RFPL2: variants seen among roughly 807,000 people sequenced by gnomAD.
RFPL2 encodes the protein ret finger protein-like 2.
Under a neutral mutation model 17.8 loss-of-function variants are expected in RFPL2, and 13 were observed. The observed-to-expected ratio is 0.73, with a 90% confidence interval of 0.47 to 1.16. RFPL2 has a LOEUF of 1.16. Ranked by LOEUF, RFPL2 falls within the 50% of genes most tolerant of loss-of-function variation. The pLI, the probability that RFPL2 is intolerant of heterozygous loss-of-function variation, is 0.00. For missense variants in RFPL2, 431 were observed against 479.3 expected (o/e 0.90, Z 0.94); for synonymous variants, 189 against 180.9 (o/e 1.04, Z -0.36).
chr22:32,191,165 T>C lies in RFPL2; in HGVS notation c.744A>G (p.Gly248=). ...CGRHCWEVDV[G]TSTEWDLGVC... is the part of the protein sequence containing the mutation. The stretch of plus-strand genomic sequence containing the variant: ...CTCCCAGGTCCCATTCTGTGCTTGT[T>C]CCCACGTCCACCTCCCAGCAGTGGC... Residue 248 remains glycine (G), a synonymous_variant, in exon 5 of 5, where the codon GGA becomes GGG. Transcript: ENST00000652607. 2 of 1,613,926 alleles carry C rather than the reference T, an allele frequency of 1.2e-6. No individual in the cohort carries two copies. The highest frequency in any genetic ancestry group is 1.7e-6 in the Non-Finnish European group (2 of 1,179,870).
At chr22:32,193,317 G>A in intron 3 of RFPL2, 125 bp from the exon 4 acceptor site, 1 of 1,591,374 alleles carries the variant, frequency 6.3e-7, no homozygotes, top group Non-Finnish European at 8.6e-7. Context: ...CCGAGAATAA[G>A]ACCATGAGTA....
Position 32,190,658 on chromosome 22 carries a change from T to G in RFPL2, c.*114A>C. 9.5e-7 allele frequency: 1 copy of G among 1,052,260 alleles called. No homozygotes were observed. The highest frequency in any genetic ancestry group is 1.9e-5 in the South Asian group (1 of 51,684). The allele number at this position is 1,052,260 out of a possible 1,614,324, so 65.2% of individuals were successfully genotyped here. Reference sequence around the variant, plus strand: ...TTAGATTAAGTACAATCAAGAAATGTCCCATATTTTTCTCCCGTGACTTTG... The same window carrying G: ...TTAGATTAAGTACAATCAAGAAATGGCCCATATTTTTCTCCCGTGACTTTG... On this transcript the variant is annotated 3_prime_UTR_variant, in exon 5 of 5. Coordinates refer to ENST00000652607, the MANE Select transcript of RFPL2 (RefSeq NM_001394555.1).
intron 2 of RFPL2, chr22:32,199,845 C>T: frequency 2.5e-6 from 1 of 398,970 alleles, no homozygotes; most frequent in Non-Finnish European, 5.0e-6. Context: ...CCTGACCCCT[C>T]TTCATACACT....
intron 4 of RFPL2, 81 bp from the exon 5 acceptor site, chr22:32,191,433 T>C: frequency 6.8e-7 from 1 of 1,481,438 alleles, no homozygotes; most frequent in Non-Finnish European, 9.1e-7. Flanking sequence ...GGCCCAAATA[T>C]CTCTTGACTT....
intron 4 of RFPL2, 106 bp from the exon 5 acceptor site, chr22:32,191,458 CTCT>C: frequency 2.2e-6 from 3 of 1,388,810 alleles, no homozygotes; most frequent in Non-Finnish European, 2.9e-6. Flanking sequence ...TTCTTTAATT[CTCT>C]TCTTCCCCCA....
intron 2 of RFPL2, among the ~76,000 whole-genome samples, 156 bp downstream of exon 2, chr22:32,202,177 C>G (rs150560654): frequency 0.011 from 1,728 of 152,222 alleles, 37 homozygotes; most frequent in African/African-American, 0.039. Context: ...TTCTCTCCCC[C>G]CACTTTCTGT....
intron 2 of RFPL2, chr22:32,200,181 A>G (rs1923773214): frequency 2.6e-6 from 1 of 381,656 alleles, no homozygotes; most frequent in Non-Finnish European, 5.2e-6. Flanking sequence ...CTGCCGGGTC[A>G]CACACAAAGA....
At chr22:32,203,667 C>CA (rs1311078722) in intron 1 of RFPL2, among the ~76,000 whole-genome samples, 1 of 150,348 alleles carries the variant, frequency 6.7e-6, no homozygotes, top group Non-Finnish European at 1.5e-5. Flanking sequence ...GTAGCGCCCC[C>CA]AACCAGCCCC....
chr22:32,196,931 T>C (rs567815820), intron 2 of RFPL2, among the ~76,000 whole-genome samples: 1 of 152,336 alleles, frequency 6.6e-6, no homozygotes, highest in South Asian at 2.1e-4. Flanking sequence ...TTCTTATTAA[T>C]CTGCTTAATT....
Position 32,193,461 on chromosome 22 carries a change from C to A in RFPL2, c.266-269G>T. 2.8e-6 allele frequency: 4 copies of A among 1,448,048 alleles called. No homozygotes were observed. In the South Asian group the frequency reaches 4.5e-5, roughly 16 times the overall value. 89.7% of individuals were successfully genotyped at this position (1,448,048 alleles called of 1,614,324 possible). On this transcript the variant is annotated intron_variant, in intron 3 of 4. Transcript: ENST00000652607. ...TTCTCCTGGTGACCCAGCAGCTGAG[C>A]CTGAGCCAGTGACATGGCAGCACCC...
Position 32,190,824 on chromosome 22 carries a change from A to G in RFPL2, c.1085T>C (p.Leu362Ser). 3 of 1,555,832 alleles carry G rather than the reference A, an allele frequency of 1.9e-6. No individual in the cohort carries two copies. The highest frequency in any genetic ancestry group is 2.6e-6 in the Non-Finnish European group (3 of 1,150,266). The change falls in exon 5 of 5, where the codon TTG (leucine) becomes TCG (serine). Residue 362 changes from leucine to serine, a missense_variant. Leu to Ser is a moderately radical substitution (Grantham distance 145). Coordinates refer to ENST00000652607, the MANE Select transcript of RFPL2 (RefSeq NM_001394555.1). ...AGCATCAGTAGTGCCTGAGTTCATCAAAGGACAGATGCTCAAGACACCTTG... is the reference window on the plus strand; with the variant it reads ...AGCATCAGTAGTGCCTGAGTTCATCGAAGGACAGATGCTCAAGACACCTTG... ...GDQGVLSICP[L>S]MNSGTTDAPV...
intron 4 of RFPL2, 119 bp downstream of exon 4, chr22:32,192,783 G>A (rs7284154): frequency 7.4e-7 from 1 of 1,351,078 alleles, no homozygotes; most frequent in Non-Finnish European, 1.0e-6. Context: ...TGATGATGAA[G>A]CATCTCAATT....
rs145732353 is a variant in RFPL2, at chr22:32,204,373, C to T, written c.-100+334G>A. Among the ~76,000 whole-genome samples, 1,522 of 152,248 alleles carry T rather than the reference C, an allele frequency of 1.0e-2. 15 individuals are homozygous for T. Among genetic ancestry groups the T allele is most frequent in the Middle Eastern group, 0.024 (7 of 294 alleles). ...CCCCGCGGCTGCGGGAAATGACGTC[C>T]GGTAAAGCACCCAACCTTCCCGTGC... is the stretch of plus-strand genomic sequence containing the variant. On this transcript the variant is annotated intron_variant, in intron 1 of 4. Transcript: ENST00000652607.
chr22:32,192,508 T>A (rs1395172854), intron 4 of RFPL2, among the ~76,000 whole-genome samples: 6 of 152,200 alleles, frequency 3.9e-5, no homozygotes, highest in Non-Finnish European at 8.8e-5. Context: ...CCCATTTTAA[T>A]GTTAGAGTCC....
intron 2 of RFPL2, among the ~76,000 whole-genome samples, chr22:32,197,884 C>G (rs939231393): frequency 6.6e-6 from 1 of 152,186 alleles, no homozygotes; most frequent in African/African-American, 2.4e-5. Context: ...TTGAGTCAGA[C>G]ACTCCAAACA....
intron 1 of RFPL2, chr22:32,202,858 C>G (rs1226149301): frequency 2.9e-6 from 3 of 1,051,372 alleles, no homozygotes; most frequent in Non-Finnish European, 2.3e-6. Flanking sequence ...GATGCCTCCT[C>G]CACCCACAGG....
chr22:32,197,455 G>C (rs535655465), intron 2 of RFPL2, among the ~76,000 whole-genome samples: 4 of 150,770 alleles, frequency 2.7e-5, no homozygotes, highest in Non-Finnish European at 5.9e-5. Context: ...GGGTGCATGC[G>C]CACAACATGT....
chr22:32,202,202 A>G, intron 2 of RFPL2, 131 bp downstream of exon 2: 8 of 1,020,360 alleles, frequency 7.8e-6, no homozygotes, highest in Non-Finnish European at 9.8e-6. Flanking sequence ...CTCTCCCTGG[A>G]CTCCCCTCTC....
intron 2 of RFPL2, among the ~76,000 whole-genome samples, chr22:32,199,517 C>A (rs1000745025): frequency 6.6e-6 from 1 of 152,168 alleles, no homozygotes; most frequent in East Asian, 1.9e-4. Context: ...GAGAGACTCA[C>A]TCTCTCCCAA....
Sources: allele counts gnomAD v4.1 joint callset (sites outside exome capture counted in the v4.1 genomes callset), GRCh38; gene constraint gnomAD v4.1.1; transcripts MANE v1.5; gene names NCBI Gene and HGNC (gene_info 2026-07-23, HGNC 2026-07-21).